Variants in SVIL observed in about 807,000 individuals in gnomAD.
SVIL encodes the protein supervillin.
A neutral mutation model predicts 240.4 loss-of-function variants in SVIL; 101 were observed. That is an observed-to-expected ratio of 0.42 (90% CI 0.36 to 0.50). The LOEUF is 0.50. Ranked by LOEUF, SVIL falls within the 20% of genes least tolerant of loss-of-function variation. The probability of loss-of-function intolerance (pLI) is 0.01; values close to 1 mark genes in which losing one functional copy is unlikely to be tolerated. For synonymous variants in SVIL, 999 were observed against 1,100.0 expected (o/e 0.91, Z 1.82); for missense variants, 2,512 against 2,818.7 (o/e 0.89, Z 2.46).
chr10:29,490,616 A>G (rs11007621), intron 22 of SVIL, among the ~76,000 whole-genome samples: 56,339 of 132,282 alleles, frequency 0.43, 12,907 homozygotes, highest in African/African-American at 0.64. Flanking sequence ...AAACCCCAGT[A>G]TAATCTGAAT....
intron 1 of SVIL, among the ~76,000 whole-genome samples, chr10:29,694,478 G>C (rs1247570303): frequency 6.6e-6 from 1 of 150,742 alleles, no homozygotes; most frequent in East Asian, 1.9e-4. Context: ...TTTTTTTTCT[G>C]AGATCGAGTT....
At chr10:29,589,808 G>T (rs1254575145) in intron 1 of SVIL, among the ~76,000 whole-genome samples, 3 of 152,068 alleles carry the variant, frequency 2.0e-5, no homozygotes, top group Non-Finnish European at 4.4e-5. Flanking sequence ...AGTAATAAAA[G>T]AATACATTAA....
Position 29,457,974 on chromosome 10 carries a change from A to C in SVIL, c.*273T>G. Reference sequence around the variant, plus strand: ...CTAGCTGGAACAAGAAGGCAGTGCTATCTATAGCAGCTGCGGCTTAAGTGC... The same window carrying C: ...CTAGCTGGAACAAGAAGGCAGTGCTCTCTATAGCAGCTGCGGCTTAAGTGC... On this transcript the variant is annotated 3_prime_UTR_variant, in exon 38 of 38. Coordinates refer to ENST00000355867, the MANE Select transcript of SVIL (RefSeq NM_021738.3). The C allele has an allele frequency of 3.4e-6, 1 of 297,170 alleles. No homozygotes were observed. The allele number at this position is 297,170 out of a possible 1,614,324, so 18.4% of individuals were successfully genotyped here.
chr10:29,645,757 C>T (rs1589445596), intron 3 of SVIL, among the ~76,000 whole-genome samples: 1 of 152,078 alleles, frequency 6.6e-6, no homozygotes, highest in Admixed American at 6.5e-5. Flanking sequence ...CTTTGAAGAC[C>T]CTGAAGTTAT....
chr10:29,524,529 C>G lies in SVIL; in HGVS notation c.2529G>C (p.Gln843His), dbSNP rs1275087958. 1.2e-6 allele frequency: 2 copies of G among 1,614,222 alleles called. No individual in the cohort carries two copies. Among genetic ancestry groups the G allele is most frequent in the South Asian group, 2.2e-5 (2 of 91,084 alleles). ...TTTGATAGCGAGCGTTCATTCTCCT[C>G]TGTCTCGTGTCTATTCTGTTCCGGG... ...ISTRNRIDTRQRRMNARYQTQ... is the reference protein window; with the variant it reads ...ISTRNRIDTRHRRMNARYQTQ... Residue 843 changes from glutamine to histidine, a missense_variant, in exon 14 of 38, where the codon CAG becomes CAC. Transcript: ENST00000355867.
chr10:29,709,874 C>T (rs890479369), intron 1 of SVIL, among the ~76,000 whole-genome samples: 4 of 152,074 alleles, frequency 2.6e-5, no homozygotes, highest in African/African-American at 7.2e-5. Context: ...CCAGAGCAGG[C>T]GGTATCCCAC....
intron 1 of SVIL, among the ~76,000 whole-genome samples, chr10:29,705,294 T>C (rs1356806007): frequency 1.3e-5 from 2 of 152,034 alleles, no homozygotes. Context: ...CCAAAAGATA[T>C]CCACATTCTA....
At chr10:29,635,329 C>T (rs1438604866), upstream of SVIL, among the ~76,000 whole-genome samples, 2 of 152,006 alleles carry the variant, frequency 1.3e-5, no homozygotes, top group Non-Finnish European at 2.9e-5. Context: ...AATGAATGCC[C>T]GAAAAGTAAC....
intron 1 of SVIL, among the ~76,000 whole-genome samples, chr10:29,627,624 C>T (rs2132938825): frequency 6.6e-6 from 1 of 152,316 alleles, no homozygotes; most frequent in East Asian, 1.9e-4. Flanking sequence ...CGCCACGTGC[C>T]CACTGCAACT....
intron 6 of SVIL, among the ~76,000 whole-genome samples, chr10:29,540,287 C>A (rs979400632): frequency 6.6e-6 from 1 of 152,278 alleles, no homozygotes; most frequent in Middle Eastern, 3.4e-3. Flanking sequence ...TCTGCTACAG[C>A]CCTCTCTCTT....
At chr10:29,537,058 A>G (rs965846758) in intron 6 of SVIL, among the ~76,000 whole-genome samples, 2 of 152,162 alleles carry the variant, frequency 1.3e-5, no homozygotes, top group African/African-American at 4.8e-5. Context: ...TAAATAGCCT[A>G]ATATAAAAAT....
intron 2 of SVIL, among the ~76,000 whole-genome samples, chr10:29,665,995 C>T (rs936552321): frequency 1.3e-5 from 2 of 152,190 alleles, no homozygotes; most frequent in Admixed American, 1.3e-4. Flanking sequence ...TTAAGTGATG[C>T]CTTCTGGATG....
intron 21 of SVIL, among the ~76,000 whole-genome samples, chr10:29,492,433 T>C (rs1948053182): frequency 6.6e-6 from 1 of 152,016 alleles, no homozygotes; most frequent in Non-Finnish European, 1.5e-5. Flanking sequence ...CAAGACAGAC[T>C]GTGTTCTGAG....
intron 17 of SVIL, among the ~76,000 whole-genome samples, chr10:29,506,675 C>G (rs61849282): frequency 7.6e-4 from 85 of 111,914 alleles, no homozygotes; most frequent in African/African-American, 2.4e-3. Context: ...GGGACAGAGG[C>G]CCTATGAGGG....
At chr10:29,594,499 G>T (rs887866006) in intron 1 of SVIL, among the ~76,000 whole-genome samples, 1 of 152,016 alleles carries the variant, frequency 6.6e-6, no homozygotes, top group Non-Finnish European at 1.5e-5. Context: ...AGTAGGGGAG[G>T]CTGTGCAAGT....
At chr10:29,696,140 G>C (rs1029763503) in intron 1 of SVIL, among the ~76,000 whole-genome samples, 8 of 151,770 alleles carry the variant, frequency 5.3e-5, no homozygotes, top group Non-Finnish European at 1.0e-4. Flanking sequence ...TTTTGGTGGG[G>C]ACGGGGTTTC....
At position 29,703,137 on chromosome 10, in the gene SVIL, G is replaced by A. The variant is rs374023832; in HGVS notation, c.-399-16486C>T. Among the ~76,000 whole-genome samples the A allele has an allele frequency of 1.3e-4, 20 of 152,208 alleles. No individual in the cohort carries two copies. In the East Asian group the frequency reaches 1.7e-3, roughly 13 times the overall value. On this transcript the variant is annotated intron_variant, in intron 1 of 35. Transcript: ENST00000375400. The stretch of plus-strand genomic sequence containing the variant: ...AGAAAAAAGAGAGAGCTTAGTTTCT[G>A]TAAAAGCAAAAACAAAATTCTAACC...
chr10:29,473,810 C>A, intron 30 of SVIL, 28 bp downstream of exon 30: 3 of 1,613,500 alleles, frequency 1.9e-6, no homozygotes, highest in Non-Finnish European at 2.5e-6. Flanking sequence ...CTCTCAGTCC[C>A]CGGGGTGCAG....
chr10:29,568,204 C>T lies in SVIL; in HGVS notation c.-143+1051G>A, dbSNP rs562166346. On this transcript the variant is annotated intron_variant, in intron 2 of 37. Coordinates refer to ENST00000355867, the MANE Select transcript of SVIL (RefSeq NM_021738.3). Reference sequence around the variant, plus strand: ...TAATTAACCTTGTACTTAGATGTGCCGCTTGATGATATTGTGTGTAAAAAT... The same window carrying T: ...TAATTAACCTTGTACTTAGATGTGCTGCTTGATGATATTGTGTGTAAAAAT... Among the ~76,000 whole-genome samples, 41 of 151,340 alleles carry T rather than the reference C, an allele frequency of 2.7e-4. No homozygotes were observed. In the East Asian group the frequency reaches 6.2e-3, roughly 23 times the overall value.
Sources: gnomAD v4.1 joint callset for allele counts (sites outside exome capture counted in the v4.1 genomes callset) on GRCh38, gnomAD v4.1.1 for gene constraint, MANE v1.5 for transcripts, NCBI Gene and HGNC (gene_info 2026-07-23, HGNC 2026-07-21) for gene names.